The following SEMA3D variants were observed in gnomAD, a reference collection of about 807,000 sequenced individuals.
SEMA3D encodes the protein semaphorin 3D.
A neutral mutation model predicts 100.1 loss-of-function variants in SEMA3D; 84 were observed. The ratio of observed to expected loss-of-function variants is 0.84; its 90% CI spans 0.70 to 1.01. The LOEUF (loss-of-function observed/expected upper bound fraction) is 1.01. Among genes scored for constraint, SEMA3D ranks in the 50% least tolerant of loss-of-function variants. SEMA3D has a pLI of 0.00. For synonymous variants in SEMA3D, 312 were observed against 320.7 expected (o/e 0.97, Z 0.29); for missense variants, 875 against 934.1 (o/e 0.94, Z 0.82).
chr7:85,158,491 C>G (rs540495704), intron 1 of SEMA3D, among the ~76,000 whole-genome samples: 102 of 152,256 alleles, frequency 6.7e-4, no homozygotes, highest in African/African-American at 2.4e-3. Context: ...TGTCTGCTCT[C>G]AAACTCTAGT....
the SEMA3D span, among the ~76,000 whole-genome samples, chr7:85,249,596 T>C: frequency 6.6e-6 from 1 of 152,206 alleles, no homozygotes; most frequent in Non-Finnish European, 1.5e-5. Flanking sequence ...CTTTAACTGA[T>C]GATCAATTAA....
chr7:85,145,343 GT>G (rs1322606266), intron 2 of SEMA3D, among the ~76,000 whole-genome samples: 1 of 152,004 alleles, frequency 6.6e-6, no homozygotes. Flanking sequence ...TGTTTTATTG[GT>G]TTGGGGGGGA....
intron 18 of SEMA3D, among the ~76,000 whole-genome samples, chr7:85,005,190 T>C (rs1179180341): frequency 6.6e-6 from 1 of 152,062 alleles, no homozygotes; most frequent in Non-Finnish European, 1.5e-5. Context: ...TATTGGTTTG[T>C]GACACTTAAG....
At chr7:85,076,969 T>G (rs1454770645) in intron 5 of SEMA3D, among the ~76,000 whole-genome samples, 1 of 151,920 alleles carries the variant, frequency 6.6e-6, no homozygotes, top group Non-Finnish European at 1.5e-5. Flanking sequence ...AGCCTGGCGC[T>G]GTGGCAGTTG....
At chr7:85,048,518 A>G (rs189186587) in intron 9 of SEMA3D, among the ~76,000 whole-genome samples, 2 of 151,932 alleles carry the variant, frequency 1.3e-5, no homozygotes, top group East Asian at 3.9e-4. Flanking sequence ...CTATATTACT[A>G]TATTGTGAAG....
At chr7:85,051,461 T>C (rs1019857892) in intron 9 of SEMA3D, among the ~76,000 whole-genome samples, 2 of 151,986 alleles carry the variant, frequency 1.3e-5, no homozygotes, top group African/African-American at 4.8e-5. Flanking sequence ...CACTCAGCAA[T>C]GACACCATTT....
chr7:85,076,629 A>G (rs963096540), intron 5 of SEMA3D, among the ~76,000 whole-genome samples: 2 of 152,238 alleles, frequency 1.3e-5, no homozygotes, highest in African/African-American at 2.4e-5. Context: ...ATTAGAAGAT[A>G]CTAATGATTT....
At chr7:85,205,710 C>T in the SEMA3D span, among the ~76,000 whole-genome samples, 12 of 152,064 alleles carry the variant, frequency 7.9e-5, 1 homozygote, top group African/African-American at 2.7e-4. Context: ...GTACCAAAGC[C>T]CTGGAGTGTG....
chr7:85,168,625 T>C, intron 1 of SEMA3D, among the ~76,000 whole-genome samples: 1 of 150,194 alleles, frequency 6.7e-6, no homozygotes, highest in East Asian at 2.0e-4. Flanking sequence ...CAATTTTTTT[T>C]TTTTTTTTTT....
chr7:85,223,516 G>GAT, the SEMA3D span, among the ~76,000 whole-genome samples: 452 of 150,198 alleles, frequency 3.0e-3, 2 homozygotes, highest in African/African-American at 9.3e-3. Flanking sequence ...AATAAAATAT[G>GAT]ATATATATAT....
In SEMA3D at chr7:85,036,927, G is replaced by T. The variant is rs1480061083; in HGVS notation, c.1153C>A (p.Gln385Lys). 6.2e-7 allele frequency: 1 copy of T among 1,613,082 alleles called. No individual in the cohort carries two copies. The highest frequency in any genetic ancestry group is 1.7e-5 in the Admixed American group (1 of 59,940). ...HKESADHRWV[Q>K]YDGRIPYPRP... The stretch of plus-strand genomic sequence containing the variant: ...GGATAAGGAATTCTCCCATCATACT[G>T]CACCCAACGATGGTCTGCACTTTCC... Residue 385 changes from glutamine to lysine, a missense_variant, in exon 12 of 19, where the codon CAG becomes AAG. Coordinates refer to ENST00000284136, the MANE Select transcript of SEMA3D (RefSeq NM_001384900.1).
chr7:85,075,788 T>G (rs953185235), intron 5 of SEMA3D, among the ~76,000 whole-genome samples: 2 of 152,192 alleles, frequency 1.3e-5, no homozygotes, highest in African/African-American at 4.8e-5. Flanking sequence ...TCGTAAAAGA[T>G]AAGGTCTCCC....
intron 11 of SEMA3D, among the ~76,000 whole-genome samples, chr7:85,039,092 T>G (rs976239383): frequency 6.6e-6 from 1 of 152,194 alleles, no homozygotes; most frequent in Non-Finnish European, 1.5e-5. Context: ...TGATAAAGTT[T>G]GAGAGCAGAG....
intron 3 of SEMA3D, among the ~76,000 whole-genome samples, chr7:85,112,307 T>A (rs911993272): frequency 7.2e-5 from 11 of 152,152 alleles, no homozygotes; most frequent in African/African-American, 2.4e-4. Context: ...AAAGAACCAT[T>A]CTATCAGATA....
At chr7:85,205,955 G>T in the SEMA3D span, among the ~76,000 whole-genome samples, 1 of 152,042 alleles carries the variant, frequency 6.6e-6, no homozygotes, top group African/African-American at 2.4e-5. Flanking sequence ...AGTTTCCTCT[G>T]CATGTATCAA....
the SEMA3D span, among the ~76,000 whole-genome samples, chr7:85,201,998 G>A: frequency 1.3e-5 from 2 of 151,360 alleles, no homozygotes; most frequent in Non-Finnish European, 2.9e-5. Context: ...AGGATTACAG[G>A]CATGAGCTAT....
chr7:85,036,959 G>A lies in SEMA3D; in HGVS notation c.1121C>T (p.Ala374Val), dbSNP rs200358040. The A allele has an allele frequency of 3.7e-6, 6 of 1,612,724 alleles. No individual in the cohort carries two copies. The Admixed American group carries it at 5.0e-5, about 13-fold the overall frequency. ...ACGATGGTCTGCACTTTCCTTATGA[G>A]CATATGGACCATTAAAAACTGCTCT... is the stretch of plus-strand genomic sequence containing the variant. The part of the protein sequence containing the change: ...DIRAVFNGPY[A>V]HKESADHRWV... The change falls in exon 12 of 19, where the codon GCT (alanine) becomes GTT (valine). Residue 374 changes from alanine to valine, a missense_variant. Physicochemically the swap from Ala to Val is moderately conservative, Grantham distance 64. Transcript: ENST00000284136.
intron 5 of SEMA3D, among the ~76,000 whole-genome samples, chr7:85,080,074 C>T (rs541689454): frequency 5.9e-4 from 90 of 152,182 alleles, no homozygotes; most frequent in African/African-American, 2.1e-3. Context: ...GATATATTTC[C>T]GCTAATATAA....
chr7:85,149,961 G>A lies in SEMA3D; in HGVS notation c.-41+3647C>T, dbSNP rs116715921. 6.8e-3 allele frequency among the ~76,000 whole-genome samples: 1,028 copies of A among 152,054 alleles called. 16 individuals are homozygous for A. The highest frequency in any genetic ancestry group is 0.024 in the African/African-American group (987 of 41,482). On this transcript the variant is annotated intron_variant, in intron 2 of 18. Transcript: ENST00000284136. Reference sequence around the variant, plus strand: ...CATTCAAGGGGGTTACATTCAAGGGGTCATAGCCATGTGAAGTTGGGTTCT... The same window carrying A: ...CATTCAAGGGGGTTACATTCAAGGGATCATAGCCATGTGAAGTTGGGTTCT...
Sources: allele counts gnomAD v4.1 joint callset (sites outside exome capture counted in the v4.1 genomes callset), GRCh38; gene constraint gnomAD v4.1.1; transcripts MANE v1.5; gene names NCBI Gene and HGNC (gene_info 2026-07-23, HGNC 2026-07-21).